RPA1: variants seen among roughly 807,000 people sequenced by gnomAD.
The protein encoded by RPA1 is replication protein A1.
RPA1 carries 49 observed loss-of-function variants against 83.0 expected under a neutral mutation model. The ratio of observed to expected loss-of-function variants is 0.59; its 90% CI spans 0.47 to 0.75. The LOEUF is 0.75. Among genes scored for constraint, RPA1 ranks in the 30% least tolerant of loss-of-function variants. RPA1 has a pLI of 0.00. For missense variants in RPA1, 693 were observed against 776.1 expected (o/e 0.89, Z 1.27); for synonymous variants, 279 against 281.8 (o/e 0.99, Z 0.10).
intron 5 of RPA1, among the ~76,000 whole-genome samples, chr17:1,859,344 T>C (rs1225086391): frequency 6.6e-6 from 1 of 152,232 alleles, no homozygotes; most frequent in East Asian, 1.9e-4. Flanking sequence ...TCAGTTTTTC[T>C]ATATCTTTAC....
At chr17:1,830,555 A>C (rs1269378410) in intron 1 of RPA1, 1 of 165,520 alleles carries the variant, frequency 6.0e-6, no homozygotes, top group African/African-American at 2.4e-5. Context: ...AGTGGCCTCC[A>C]AGTTGCTAAA....
chr17:1,880,943 C>T (rs1913769723), intron 12 of RPA1, among the ~76,000 whole-genome samples: 1 of 152,206 alleles, frequency 6.6e-6, no homozygotes, highest in African/African-American at 2.4e-5. Context: ...CTGCTGACCT[C>T]GATCCTGCCA....
Position 1,837,421 on chromosome 17 carries a change from G to T in RPA1, c.34-5382G>T, listed in dbSNP as rs144871297. Among the ~76,000 whole-genome samples, 544 of 152,276 alleles carry T rather than the reference G, an allele frequency of 3.6e-3. 6 individuals carry two copies. The highest frequency in any genetic ancestry group is 0.013 in the African/African-American group (525 of 41,552). Reference sequence around the variant, plus strand: ...TCATCTTTTGGCTATTATAAATGAAGATGCTATGACCATTTAAGTACAACT... The same window carrying T: ...TCATCTTTTGGCTATTATAAATGAATATGCTATGACCATTTAAGTACAACT... On this transcript the variant is annotated intron_variant, in intron 1 of 16. Transcript: ENST00000254719.
intron 5 of RPA1, among the ~76,000 whole-genome samples, chr17:1,866,192 G>A (rs542730817): frequency 3.3e-5 from 5 of 152,246 alleles, no homozygotes; most frequent in Non-Finnish European, 7.4e-5. Context: ...CAGTGAGCCA[G>A]GGCTGTGCCA....
chr17:1,831,364 G>A (rs1450751457), intron 1 of RPA1, among the ~76,000 whole-genome samples: 1 of 152,030 alleles, frequency 6.6e-6, no homozygotes. Flanking sequence ...CCCTCACGAA[G>A]TGAAGTGTAT....
intron 1 of RPA1, among the ~76,000 whole-genome samples, chr17:1,834,743 G>T (rs1185936098): frequency 6.6e-6 from 1 of 152,182 alleles, no homozygotes; most frequent in African/African-American, 2.4e-5. Context: ...AACCCTAGAA[G>T]ATAGCTATTA....
At chr17:1,840,016 C>A (rs763418757) in intron 1 of RPA1, among the ~76,000 whole-genome samples, 23 of 151,990 alleles carry the variant, frequency 1.5e-4, no homozygotes, top group Admixed American at 3.9e-4. Flanking sequence ...TGGTCTCGAA[C>A]TCCTGACCTC....
Position 1,863,402 on chromosome 17 carries a change from G to A in RPA1, c.362-9032G>A, listed in dbSNP as rs990517321. ...AATTTTTTTTATTTTTAGTAGAGAC[G>A]GCGTTTCACCACGTTGGCCAGGCTG... On this transcript the variant is annotated intron_variant, in intron 5 of 16. Coordinates refer to ENST00000254719, the MANE Select transcript of RPA1 (RefSeq NM_002945.5). Among the ~76,000 whole-genome samples the A allele has an allele frequency of 4.0e-5, 6 of 151,880 alleles. No homozygotes were observed. In the Middle Eastern group the frequency reaches 0.01, roughly 260 times the overall value.
rs1208217732 is a variant in RPA1 at position 1,868,636 on chromosome 17, T to C, written c.362-3798T>C. On this transcript the variant is annotated intron_variant, in intron 5 of 16. Transcript: ENST00000254719. ...AAATAGAAAAATTAGCCAGGCGTGA[T>C]GGCGGGTACCTGTAATCCCAGCTAC... is the stretch of plus-strand genomic sequence containing the variant. Among the ~76,000 whole-genome samples the C allele has an allele frequency of 2.6e-5, 4 of 152,250 alleles. No individual in the cohort carries two copies. In the East Asian group the frequency reaches 7.7e-4, roughly 29 times the overall value.
intron 16 of RPA1, among the ~76,000 whole-genome samples, chr17:1,896,135 G>A (rs998369463): frequency 2.0e-5 from 3 of 152,224 alleles, no homozygotes; most frequent in African/African-American, 7.2e-5. Flanking sequence ...CATACAGAGA[G>A]ACACGGGCAT....
chr17:1,851,358 GTC>G (rs758338723), intron 4 of RPA1, among the ~76,000 whole-genome samples: 4 of 152,260 alleles, frequency 2.6e-5, no homozygotes, highest in African/African-American at 4.8e-5. Flanking sequence ...GGTCTGTTAA[GTC>G]TCTCTGAATC....
chr17:1,858,589 G>C, intron 5 of RPA1: 1 of 615,730 alleles, frequency 1.6e-6, no homozygotes, highest in Non-Finnish European at 2.9e-6. Flanking sequence ...TCAGCCTCCT[G>C]AGTAGCTGGG....
intron 16 of RPA1, among the ~76,000 whole-genome samples, chr17:1,895,317 A>G (rs1309495424): frequency 6.6e-6 from 1 of 151,244 alleles, no homozygotes; most frequent in Non-Finnish European, 1.5e-5. Context: ...GGGGAATACA[A>G]TATGGATTTT....
At chr17:1,830,622 C>T (rs1911512432) in intron 1 of RPA1, 2 of 153,362 alleles carry the variant, frequency 1.3e-5, no homozygotes, top group South Asian at 4.1e-4. Flanking sequence ...TGCGTTTAAG[C>T]CCTGCTTGCT....
chr17:1,831,897 CCT>C (rs1491156214), intron 1 of RPA1, among the ~76,000 whole-genome samples: 2 of 118,648 alleles, frequency 1.7e-5, no homozygotes, highest in Non-Finnish European at 3.4e-5. Context: ...CTGTGCCCGG[CCT>C]TTTTTTTTTT....
chr17:1,859,624 G>C (rs1427661492), intron 5 of RPA1, among the ~76,000 whole-genome samples: 2 of 151,404 alleles, frequency 1.3e-5, no homozygotes, highest in South Asian at 4.2e-4. Context: ...CGTTTTTTTT[G>C]TTTTGTTTTG....
intron 11 of RPA1, among the ~76,000 whole-genome samples, chr17:1,880,122 A>C: frequency 6.6e-6 from 1 of 150,464 alleles, no homozygotes; most frequent in Admixed American, 6.6e-5. Context: ...TTCAGCACAC[A>C]CAGGAGGAGC....
At chr17:1,886,704 G>GC (rs1473075631) in intron 13 of RPA1, among the ~76,000 whole-genome samples, 1 of 132,620 alleles carries the variant, frequency 7.5e-6, no homozygotes, top group Non-Finnish European at 1.6e-5. Flanking sequence ...TTCTTCTGCA[G>GC]CTTTTTTTTT....
chr17:1,867,801 G>A (rs1054414275), intron 5 of RPA1, among the ~76,000 whole-genome samples: 12 of 152,030 alleles, frequency 7.9e-5, no homozygotes, highest in South Asian at 4.2e-4. Flanking sequence ...GCTATGGGCC[G>A]GGTGCCATGG....
Sources: allele counts gnomAD v4.1 joint callset (sites outside exome capture counted in the v4.1 genomes callset), GRCh38; gene constraint gnomAD v4.1.1; transcripts MANE v1.5; gene names NCBI Gene and HGNC (gene_info 2026-07-23, HGNC 2026-07-21).